Variants in UNC13B observed in about 807,000 individuals in gnomAD.
The protein encoded by UNC13B is protein unc-13 homolog B.
In UNC13B, 144 loss-of-function variants were observed where a neutral mutation model predicts 211.0. The ratio of observed to expected loss-of-function variants is 0.68; its 90% CI spans 0.60 to 0.78. The LOEUF (loss-of-function observed/expected upper bound fraction) is 0.78. Among genes scored for constraint, UNC13B ranks in the 30% least tolerant of loss-of-function variants. The pLI, the probability that UNC13B is intolerant of heterozygous loss-of-function variation, is 0.00. For missense variants in UNC13B, 1,777 were observed against 2,002.0 expected, an observed-to-expected ratio of 0.89 and a Z score of 2.14; for synonymous variants, 709 against 725.8, an observed-to-expected ratio of 0.98 and a Z score of 0.37.
intron 1 of UNC13B, among the ~76,000 whole-genome samples, chr9:35,178,108 G>A (rs1159168990): frequency 2.0e-5 from 3 of 152,098 alleles, no homozygotes; most frequent in Non-Finnish European, 2.9e-5. Context: ...GTGGAGGCAC[G>A]GTGACAGGGT....
chr9:35,353,822 CA>C, intron 11 of UNC13B: 1 of 1,225,448 alleles, frequency 8.2e-7, no homozygotes, highest in African/African-American at 1.6e-5. Context: ...TATTCTGAGT[CA>C]CTATTTAACA....
At chr9:35,299,985 A>C (rs1431683012) in intron 8 of UNC13B, among the ~76,000 whole-genome samples, 181 bp from the exon 9 acceptor site, 1 of 152,220 alleles carries the variant, frequency 6.6e-6, no homozygotes, top group African/African-American at 2.4e-5. Context: ...GAGTTTCTAG[A>C]AAATAATAAC....
rs1490584501 is a variant in UNC13B, at chr9:35,399,742, C to A, written c.12336+13C>A. The A allele has an allele frequency of 3.7e-6, 6 of 1,613,908 alleles. No individual in the cohort carries two copies. The highest frequency in any genetic ancestry group is 2.2e-5 in the South Asian group (2 of 91,068). ...GGACACCATCAAGGTGGAGGCCCCC[C>A]CTTTTTCAGACAGTCTTAACCACCA... On this transcript the variant is annotated intron_variant, in intron 36 of 39. Transcript: ENST00000635942.
At chr9:35,208,708 T>C (rs1823799928) in intron 1 of UNC13B, among the ~76,000 whole-genome samples, 1 of 152,192 alleles carries the variant, frequency 6.6e-6, no homozygotes, top group East Asian at 1.9e-4. Context: ...AGGATGGTGC[T>C]AAAGGCTAAA....
intron 10 of UNC13B, among the ~76,000 whole-genome samples, chr9:35,312,197 G>A (rs943533006): frequency 2.6e-5 from 4 of 152,210 alleles, no homozygotes; most frequent in African/African-American, 7.2e-5. Flanking sequence ...TAATAATAAA[G>A]CCTCTCACTG....
In UNC13B at chr9:35,304,779, C is replaced by A; in HGVS notation, c.5375C>A (p.Thr1792Lys). 1 of 398,888 alleles carries A rather than the reference C, an allele frequency of 2.5e-6. No homozygotes were observed. Among genetic ancestry groups the A allele is most frequent in the Non-Finnish European group, 4.4e-6 (1 of 225,974 alleles). 24.7% of individuals were successfully genotyped at this position (398,888 alleles called of 1,614,324 possible). A position where few individuals can be genotyped will look rare whatever the true frequency, so the allele number is the denominator to read the frequency against. ...CAGCAGTCAGATTTAGCAGAGCTCA[C>A]AAATGATGGCTTTCAGTCATTAATC... is the stretch of plus-strand genomic sequence containing the variant. ...VNQQSDLAEL[T>K]NDGFQSLIMS... Residue 1792 changes from threonine (T) to lysine (K), a missense_variant, in exon 9 of 40, where the codon ACA (threonine) becomes AAA (lysine). Thr to Lys is a moderately conservative substitution (Grantham distance 78, BLOSUM62 -1). Transcript: ENST00000635942.
At position 35,368,859 on chromosome 9, in the gene UNC13B, A is replaced by C. The variant is rs537630261; in HGVS notation, c.9462-1459A>C. Among the ~76,000 whole-genome samples the C allele has an allele frequency of 7.8e-4, 118 of 152,212 alleles. No individual in the cohort carries two copies. In the Middle Eastern group the frequency reaches 0.01, roughly 13 times the overall value. ...TTAAGAGATACATATTGTAGTTTCTAGAATTAGCTACAAAGTTGTGGCATC... is the reference window on the plus strand; with the variant it reads ...TTAAGAGATACATATTGTAGTTTCTCGAATTAGCTACAAAGTTGTGGCATC... On this transcript the variant is annotated intron_variant, in intron 12 of 39. Coordinates refer to ENST00000635942, the MANE Select transcript of UNC13B (RefSeq NM_001371189.2).
intron 26 of UNC13B, among the ~76,000 whole-genome samples, chr9:35,391,851 G>A (rs1460468785): frequency 6.6e-6 from 1 of 152,216 alleles, no homozygotes; most frequent in East Asian, 1.9e-4. Context: ...GAAACCCAGA[G>A]GCTAGGCTCC....
intron 1 of UNC13B, among the ~76,000 whole-genome samples, chr9:35,199,955 A>G (rs1823183069): frequency 6.6e-6 from 1 of 152,194 alleles, no homozygotes; most frequent in Non-Finnish European, 1.5e-5. Flanking sequence ...GTTTTCTTCT[A>G]GGGTTTTTAT....
At chr9:35,324,780 T>C (rs1446201081) in intron 11 of UNC13B, among the ~76,000 whole-genome samples, 7 of 152,236 alleles carry the variant, frequency 4.6e-5, no homozygotes, top group Non-Finnish European at 1.0e-4. Context: ...CTTTCCTCAA[T>C]GCTCTTTTCA....
Position 35,313,955 on chromosome 9 carries a change from G to T in UNC13B, c.9380G>T (p.Arg3127Leu). The change falls in exon 11 of 40, where the codon CGA (arginine) becomes CTA (leucine). Residue 3127 changes from arginine (R) to leucine (L), a missense_variant. Arg to Leu is a moderately radical substitution (Grantham distance 102). Coordinates refer to ENST00000635942, the MANE Select transcript of UNC13B (RefSeq NM_001371189.2). ...PFTQARAHWI[R>L]AVTKVRLQLQ... ...ACCCAAGCCAGAGCACATTGGATCC[G>T]AGCAGTTACCAAGGTTCGACTCCAG... 6.2e-7 allele frequency: 1 copy of T among 1,613,830 alleles called. No individual in the cohort carries two copies. The highest frequency in any genetic ancestry group is 8.5e-7 in the Non-Finnish European group (1 of 1,179,836).
chr9:35,295,643 C>T, intron 7 of UNC13B, 53 bp from the exon 8 acceptor site: 2 of 1,549,824 alleles, frequency 1.3e-6, no homozygotes, highest in South Asian at 2.3e-5. Flanking sequence ...AGAAATAATT[C>T]TGAAGAACTA....
chr9:35,167,353 A>G (rs111381933), intron 1 of UNC13B, among the ~76,000 whole-genome samples: 1,865 of 152,292 alleles, frequency 0.012, 32 homozygotes, highest in African/African-American at 0.041. Context: ...GATTACAGGC[A>G]TGAGCGCCTG....
At chr9:35,225,012 A>C (rs1434873636) in intron 1 of UNC13B, among the ~76,000 whole-genome samples, 2 of 152,186 alleles carry the variant, frequency 1.3e-5, no homozygotes, top group South Asian at 2.1e-4. Flanking sequence ...AACTCTCAAA[A>C]AATTACACAT....
chr9:35,368,513 C>T (rs921619032), intron 12 of UNC13B, among the ~76,000 whole-genome samples: 4 of 152,094 alleles, frequency 2.6e-5, no homozygotes, highest in South Asian at 2.1e-4. Flanking sequence ...AATGCTGCAG[C>T]GAACATACTC....
intron 1 of UNC13B, among the ~76,000 whole-genome samples, chr9:35,175,740 G>A (rs542031119): frequency 6.6e-6 from 1 of 152,106 alleles, no homozygotes; most frequent in Admixed American, 6.5e-5. Context: ...TTAAAGGCCA[G>A]GCGTGGTGGC....
At chr9:35,228,152 A>G in intron 2 of UNC13B, 108 bp downstream of exon 2, 2 of 1,028,224 alleles carry the variant, frequency 1.9e-6, no homozygotes, top group South Asian at 3.3e-5. Context: ...TTGATTCATT[A>G]CTTCACTAAA....
chr9:35,278,934 A>G (rs1828328496), intron 7 of UNC13B, among the ~76,000 whole-genome samples: 2 of 152,056 alleles, frequency 1.3e-5, no homozygotes, highest in East Asian at 1.9e-4. Context: ...CCCCACCCCC[A>G]TGAATGGTAG....
chr9:35,313,644 A>G (rs1475817349), intron 10 of UNC13B, among the ~76,000 whole-genome samples: 3 of 150,046 alleles, frequency 2.0e-5, no homozygotes, highest in Non-Finnish European at 3.0e-5. Flanking sequence ...AAATAAATAA[A>G]TAAATAAATA....
Sources: gnomAD v4.1 joint callset for allele counts (sites outside exome capture counted in the v4.1 genomes callset) on GRCh38, gnomAD v4.1.1 for gene constraint, MANE v1.5 for transcripts, NCBI Gene and HGNC (gene_info 2026-07-23, HGNC 2026-07-21) for gene names.